FER1L5: variants seen among roughly 807,000 people sequenced by gnomAD.
FER1L5 encodes the protein fer-1 like family member 5.
Under a neutral mutation model 279.9 loss-of-function variants are expected in FER1L5, and 187 were observed. The observed-to-expected ratio is 0.67, with a 90% confidence interval of 0.59 to 0.75. The LOEUF (loss-of-function observed/expected upper bound fraction) is 0.75, where lower values mean the gene tolerates loss of function less well. Among genes scored for constraint, FER1L5 ranks in the 30% least tolerant of loss-of-function variants. The probability of loss-of-function intolerance (pLI) is 0.00; values close to 1 mark genes in which losing one functional copy is unlikely to be tolerated. For missense variants in FER1L5, 2,091 were observed against 2,594.4 expected (o/e 0.81, Z 4.21); for synonymous variants, 921 against 989.7 (o/e 0.93, Z 1.30).
intron 19 of FER1L5, among the ~76,000 whole-genome samples, chr2:96,678,912 T>A (rs1183651724): frequency 6.6e-6 from 1 of 152,236 alleles, no homozygotes; most frequent in Non-Finnish European, 1.5e-5. Context: ...CTGTGGCTTG[T>A]CTTTTCATTT....
At chr2:96,659,566 A>G (rs1268386850) in intron 9 of FER1L5, among the ~76,000 whole-genome samples, 1 of 147,362 alleles carries the variant, frequency 6.8e-6, no homozygotes, top group Non-Finnish European at 1.5e-5. Flanking sequence ...ATCTCGGCTC[A>G]TTGCAAGTTC....
intron 23 of FER1L5, 60 bp downstream of exon 23, chr2:96,686,410 C>A (rs888873164): frequency 4.0e-6 from 6 of 1,503,290 alleles, no homozygotes; most frequent in Non-Finnish European, 5.4e-6. Flanking sequence ...AGGGGAGCCC[C>A]CTGAACTCGC....
rs748810779 is a variant in FER1L5 at position 96,691,245 on chromosome 2, G to A, written c.2799G>A (p.Pro933=). The change falls in exon 28 of 53, where the codon CCG becomes CCA. Residue 933 remains proline (P), a synonymous_variant. Transcript: ENST00000624922. The surrounding 1 kb of genome is among the most constrained non-coding windows in gnomAD (Gnocchi z 6.0). ...CGGGCCTGCCCCAGGTCTGGAGCCC[G>A]GTGGAGAAGACCTACCACTCGTGCC... ...PPSGLPQVWS[P]VEKTYHSCRR... is the part of the protein sequence containing the mutation. The A allele has an allele frequency of 5.1e-5, 79 of 1,550,256 alleles. No individual in the cohort carries two copies. The highest frequency in any genetic ancestry group is 1.2e-4 in the African/African-American group (9 of 73,056).
chr2:96,688,034 C>G, intron 24 of FER1L5, 87 bp downstream of exon 24: 1 of 1,507,684 alleles, frequency 6.6e-7, no homozygotes, highest in Non-Finnish European at 9.0e-7. Flanking sequence ...GGCCTCCCTG[C>G]AGGGGATTTG....
chr2:96,666,119 CACACA>C (rs1331712820), intron 14 of FER1L5, among the ~76,000 whole-genome samples: 1 of 151,242 alleles, frequency 6.6e-6, no homozygotes, highest in Non-Finnish European at 1.5e-5. Flanking sequence ...AACAGCCAGC[CACACA>C]GATGGCAGCA....
chr2:96,661,550 C>A, intron 11 of FER1L5, 110 bp downstream of exon 11: 1 of 1,507,736 alleles, frequency 6.6e-7, no homozygotes, highest in Non-Finnish European at 9.0e-7. Context: ...TCCGCTGCGT[C>A]ACTGCAGGGT....
In FER1L5 at chr2:96,688,134, G is replaced by A. The variant is rs369954308; in HGVS notation, c.2361+187G>A. 3.3e-5 allele frequency among the ~76,000 whole-genome samples: 5 copies of A among 152,312 alleles called. No individual in the cohort carries two copies. The East Asian group carries it at 9.6e-4, about 29-fold the overall frequency. ...GAAACTGAGGGCTAGGAGATAGTCT[G>A]CTGGAGGAGGCAGAGATTAAAGCAA... On this transcript the variant is annotated intron_variant, in intron 24 of 52. Coordinates refer to ENST00000624922, the MANE Select transcript of FER1L5 (RefSeq NM_001293083.2).
Position 96,643,139 on chromosome 2 carries a change from G to C in FER1L5, c.85+218G>C, listed in dbSNP as rs189546091. Among the ~76,000 whole-genome samples, 715 of 152,256 alleles carry C rather than the reference G, an allele frequency of 4.7e-3. 1 individual carries two copies. The highest frequency in any genetic ancestry group is 6.8e-3 in the Middle Eastern group (2 of 294). On this transcript the variant is annotated intron_variant, in intron 1 of 52. Transcript: ENST00000624922. The stretch of plus-strand genomic sequence containing the variant: ...CTAGGGAATGGCTATGGAAAAAAGA[G>C]AGGACTAGTGCTTCTGGACCTTCTT...
In FER1L5 at chr2:96,689,516, C is replaced by A; in HGVS notation, c.2526-128C>A. On this transcript the variant is annotated intron_variant, in intron 25 of 52. Transcript: ENST00000624922. The surrounding 1 kb of genome is among the most constrained non-coding windows in gnomAD (Gnocchi z 4.6). ...GGTGCACCAGGCCAAGGGCCCTGCC[C>A]ACCACCCTGTCCTGCCCAGAGCAGG... 3 of 1,447,128 alleles carry A rather than the reference C, an allele frequency of 2.1e-6. No homozygotes were observed. Among genetic ancestry groups the A allele is most frequent in the Non-Finnish European group, 9.4e-7 (1 of 1,058,990 alleles). 89.6% of individuals were successfully genotyped at this position (1,447,128 alleles called of 1,614,324 possible).
intron 19 of FER1L5, among the ~76,000 whole-genome samples, chr2:96,679,438 G>A (rs569988179): frequency 4.3e-4 from 66 of 152,206 alleles, no homozygotes; most frequent in African/African-American, 1.5e-3. Flanking sequence ...TGGTCAGGCT[G>A]GTCTCGATCT....
chr2:96,657,280 G>A (rs1299825067), intron 9 of FER1L5, among the ~76,000 whole-genome samples: 1 of 151,636 alleles, frequency 6.6e-6, no homozygotes, highest in Non-Finnish European at 1.5e-5. Context: ...TCACCATGTC[G>A]GCCAGGCTGG....
In FER1L5 at chr2:96,702,683, G is replaced by A. The variant is rs761901583; in HGVS notation, c.5339G>A (p.Arg1780Gln). ...SLTGEADFNWRFIFTMDYLAA... is the reference protein window; with the variant it reads ...SLTGEADFNWQFIFTMDYLAA... ...ACTGGGGAGGCCGACTTCAACTGGC[G>A]GTTCATCTTTACCATGGACTACCTG... Residue 1780 changes from arginine to glutamine, a missense_variant, in exon 48 of 53, where the codon CGG (arginine) becomes CAG (glutamine). Arg to Gln is a conservative substitution (Grantham distance 43, BLOSUM62 1). Transcript: ENST00000624922. This position sits in a 1 kb window ranked among gnomAD's most constrained non-coding sequence, Gnocchi z 4.0. 30 of 1,612,460 alleles carry A rather than the reference G, an allele frequency of 1.9e-5. No individual in the cohort carries two copies. The highest frequency in any genetic ancestry group is 2.1e-5 in the Non-Finnish European group (25 of 1,179,372).
rs1318911318 is a variant in FER1L5, at chr2:96,691,725, T to G, written c.3076-100T>G. The stretch of plus-strand genomic sequence containing the variant: ...GAGGAAGGGCCTCTGTTCCTCAGGC[T>G]TGCGAGGGTGGCAGTGTGAGGGAGG... On this transcript the variant is annotated intron_variant, in intron 29 of 52. Coordinates refer to ENST00000624922, the MANE Select transcript of FER1L5 (RefSeq NM_001293083.2). The surrounding 1 kb of genome is among the most constrained non-coding windows in gnomAD (Gnocchi z 6.0). 6.5e-7 allele frequency: 1 copy of G among 1,550,004 alleles called. No individual in the cohort carries two copies. Among genetic ancestry groups the G allele is most frequent in the African/African-American group, 1.4e-5 (1 of 73,154 alleles).
In FER1L5 at chr2:96,687,921, G is replaced by A; in HGVS notation, c.2335G>A (p.Gly779Ser). 6.4e-7 allele frequency: 1 copy of A among 1,551,108 alleles called. No individual in the cohort carries two copies. The highest frequency in any genetic ancestry group is 8.7e-7 in the Non-Finnish European group (1 of 1,146,966). ...CAAGGACCTGCAGCTGCTCCGCCAG[G>A]GTGACACAGCGGTGTACGCCGAGAT... is the stretch of plus-strand genomic sequence containing the variant. ...DSKDLQLLRQGDTAVYAEMYE... is the reference protein window; with the variant it reads ...DSKDLQLLRQSDTAVYAEMYE... Residue 779 changes from glycine to serine, a missense_variant, in exon 24 of 53, where the codon GGT becomes AGT. Coordinates refer to ENST00000624922, the MANE Select transcript of FER1L5 (RefSeq NM_001293083.2).
Position 96,694,522 on chromosome 2 carries a change from C to T in FER1L5, c.3741+58C>T, listed in dbSNP as rs1033056964. 8.3e-5 allele frequency: 112 copies of T among 1,347,120 alleles called. No individual in the cohort carries two copies. Among genetic ancestry groups the T allele is most frequent in the Non-Finnish European group, 6.4e-5 (64 of 1,001,856 alleles). 83.4% of individuals were successfully genotyped at this position (1,347,120 alleles called of 1,614,324 possible). ...GGACAGGCGGGGGTGGTCTGGAGTG[C>T]GCTGCAGCCTTCTGCTGGTCCTCCC... On this transcript the variant is annotated intron_variant, in intron 34 of 52. Transcript: ENST00000624922. The surrounding 1 kb of genome is among the most constrained non-coding windows in gnomAD (Gnocchi z 4.6).
chr2:96,704,746 T>C lies in FER1L5; in HGVS notation c.*54T>C, dbSNP rs1558940938. 9 of 1,388,634 alleles carry C rather than the reference T, an allele frequency of 6.5e-6. No homozygotes were observed. The East Asian group carries it at 2.1e-4, about 32-fold the overall frequency. The allele number at this position is 1,388,634 out of a possible 1,614,324, so 86.0% of individuals were successfully genotyped here. ...GCTACCAACAGCCCTCCCCTTGGGCTGGCTACCAGTTCTTTGTTTCTATCT... is the reference window on the plus strand; with the variant it reads ...GCTACCAACAGCCCTCCCCTTGGGCCGGCTACCAGTTCTTTGTTTCTATCT... On this transcript the variant is annotated 3_prime_UTR_variant, in exon 53 of 53. Transcript: ENST00000624922.
chr2:96,689,684 G>A lies in FER1L5; in HGVS notation c.2566G>A (p.Glu856Lys), dbSNP rs1231880964. 6.4e-7 allele frequency: 1 copy of A among 1,551,058 alleles called. No homozygotes were observed. The highest frequency in any genetic ancestry group is 8.7e-7 in the Non-Finnish European group (1 of 1,146,910). Residue 856 changes from glutamate to lysine, a missense_variant, in exon 26 of 53, where the codon GAG becomes AAG. Coordinates refer to ENST00000624922, the MANE Select transcript of FER1L5 (RefSeq NM_001293083.2). The surrounding 1 kb of genome is among the most constrained non-coding windows in gnomAD (Gnocchi z 4.6). ...DIDINKSQVLEEVYENQGRDT... is the reference protein window; with the variant it reads ...DIDINKSQVLKEVYENQGRDT... ...AGACATCAACAAGAGCCAGGTGCTG[G>A]AGGAGGTATATGAGAACCAGGGCCG...
intron 6 of FER1L5, among the ~76,000 whole-genome samples, chr2:96,651,564 C>T (rs180707964): frequency 2.5e-4 from 37 of 150,840 alleles, no homozygotes; most frequent in Non-Finnish European, 4.7e-4. Flanking sequence ...TGCAGTGGCA[C>T]GATCACAGCT....
At chr2:96,699,760 G>C in intron 43 of FER1L5, 40 bp downstream of exon 43, 1 of 1,609,244 alleles carries the variant, frequency 6.2e-7, no homozygotes, top group Non-Finnish European at 8.5e-7. Context: ...GTCAGGTGGG[G>C]TGGAAGAGTG....
Sources: allele counts gnomAD v4.1 joint callset (sites outside exome capture counted in the v4.1 genomes callset), GRCh38; gene constraint gnomAD v4.1.1; non-coding constraint Gnocchi (gnomAD v3.1); transcripts MANE v1.5; gene names NCBI Gene and HGNC (gene_info 2026-07-23, HGNC 2026-07-21).